HDHD2: variants seen among roughly 807,000 people sequenced by gnomAD.
HDHD2 encodes the protein haloacid dehalogenase like hydrolase domain containing 2.
A neutral mutation model predicts 24.8 loss-of-function variants in HDHD2; 26 were observed. That is an observed-to-expected ratio of 1.05 (90% CI 0.77 to 1.45). The LOEUF (loss-of-function observed/expected upper bound fraction) is 1.45. Ranked by LOEUF, HDHD2 falls within the 40% of genes most tolerant of loss-of-function variation. The pLI is 0.00. For synonymous variants in HDHD2, 128 were observed against 114.9 expected (o/e 1.11, Z -0.73); for missense variants, 299 against 313.4 (o/e 0.95, Z 0.35).
intron 4 of HDHD2, among the ~76,000 whole-genome samples, chr18:47,124,603 G>C (rs1337564478): frequency 6.6e-6 from 1 of 151,264 alleles, no homozygotes; most frequent in Non-Finnish European, 1.5e-5. Context: ...CTACTCGGGA[G>C]GCTGAGACAG....
chr18:47,134,116 T>C (rs1432285856), intron 3 of HDHD2, among the ~76,000 whole-genome samples: 1 of 152,214 alleles, frequency 6.6e-6, no homozygotes, highest in Non-Finnish European at 1.5e-5. Context: ...TTATGATCTG[T>C]GTTTTTTCAA....
At chr18:47,113,124 G>C (rs1388205367) in intron 5 of HDHD2, 84 bp from the exon 6 acceptor site, 1 of 1,110,292 alleles carries the variant, frequency 9.0e-7, no homozygotes, top group East Asian at 2.4e-5. Context: ...ATTAGGCTAG[G>C]GTGTCCAACT....
intron 4 of HDHD2, among the ~76,000 whole-genome samples, chr18:47,127,432 C>T (rs898910992): frequency 3.9e-5 from 6 of 152,134 alleles, no homozygotes; most frequent in Admixed American, 6.6e-5. Context: ...TAGGTGGCAG[C>T]GTTACAGGTA....
chr18:47,143,111 GA>G (rs1379743241), intron 1 of HDHD2, among the ~76,000 whole-genome samples: 5 of 152,064 alleles, frequency 3.3e-5, no homozygotes, highest in African/African-American at 1.2e-4. Flanking sequence ...AAAATTTAAT[GA>G]AAAAATTTAG....
chr18:47,131,462 T>C (rs543810383), intron 3 of HDHD2, among the ~76,000 whole-genome samples: 92 of 152,346 alleles, frequency 6.0e-4, no homozygotes, highest in African/African-American at 2.1e-3. Flanking sequence ...ATACCATGCC[T>C]GTCCAGATCT....
intron 4 of HDHD2, among the ~76,000 whole-genome samples, chr18:47,125,187 C>T (rs183027167): frequency 1.8e-4 from 28 of 151,778 alleles, no homozygotes; most frequent in African/African-American, 6.5e-4. Flanking sequence ...CAAAAAAAAA[C>T]CAAATAGGAA....
At chr18:47,132,384 C>A (rs1187281632) in intron 3 of HDHD2, among the ~76,000 whole-genome samples, 1 of 152,126 alleles carries the variant, frequency 6.6e-6, no homozygotes, top group East Asian at 1.9e-4. Flanking sequence ...TTCGTTATTA[C>A]AAATAAGGTA....
At chr18:47,136,680 A>G (rs919516420) in intron 1 of HDHD2, among the ~76,000 whole-genome samples, 17 of 151,932 alleles carry the variant, frequency 1.1e-4, no homozygotes, top group African/African-American at 4.1e-4. Flanking sequence ...AATTAAAACT[A>G]TAGGAAGCAA....
intron 1 of HDHD2, among the ~76,000 whole-genome samples, chr18:47,142,930 G>A (rs893306004): frequency 2.0e-4 from 30 of 152,018 alleles, no homozygotes; most frequent in East Asian, 1.2e-3. Flanking sequence ...GGTTCAATGC[G>A]CCTGACAAAC....
intron 4 of HDHD2, among the ~76,000 whole-genome samples, chr18:47,125,299 C>A (rs980245810): frequency 6.6e-6 from 1 of 152,214 alleles, no homozygotes; most frequent in Non-Finnish European, 1.5e-5. Flanking sequence ...GAATGTATGT[C>A]TTGGTACAAT....
chr18:47,144,101 G>A (rs1177619672), intron 1 of HDHD2, among the ~76,000 whole-genome samples: 1 of 152,004 alleles, frequency 6.6e-6, no homozygotes, highest in Non-Finnish European at 1.5e-5. Context: ...ATGCGCATGT[G>A]TGTAAGCCAC....
chr18:47,122,544 G>A (rs568593575), intron 4 of HDHD2, among the ~76,000 whole-genome samples: 6 of 152,226 alleles, frequency 3.9e-5, no homozygotes, highest in Non-Finnish European at 8.8e-5. Flanking sequence ...CTAAAGTAAT[G>A]CCAAAGTGTT....
chr18:47,122,140 T>A (rs1423480503), intron 4 of HDHD2, among the ~76,000 whole-genome samples: 1 of 152,174 alleles, frequency 6.6e-6, no homozygotes, highest in Admixed American at 6.5e-5. Flanking sequence ...GCCTGGTACC[T>A]TTTGCTAAAT....
At chr18:47,132,224 T>G (rs907961841) in intron 3 of HDHD2, among the ~76,000 whole-genome samples, 7 of 152,224 alleles carry the variant, frequency 4.6e-5, no homozygotes, top group Admixed American at 4.6e-4. Context: ...ACTTTTTTCA[T>G]TTAATATATC....
chr18:47,117,976 C>G (rs1002367253), intron 4 of HDHD2, among the ~76,000 whole-genome samples: 3 of 151,518 alleles, frequency 2.0e-5, no homozygotes, highest in African/African-American at 7.3e-5. Flanking sequence ...TGCAATAAAG[C>G]AAGTCACATA....
intron 1 of HDHD2, among the ~76,000 whole-genome samples, chr18:47,149,402 T>G (rs1280280077): frequency 6.6e-6 from 1 of 152,140 alleles, no homozygotes; most frequent in African/African-American, 2.4e-5. Context: ...GGAACCACTG[T>G]AGGCATTCAA....
At chr18:47,124,388 C>G (rs1231604995) in intron 4 of HDHD2, among the ~76,000 whole-genome samples, 1 of 152,052 alleles carries the variant, frequency 6.6e-6, no homozygotes, top group African/African-American at 2.4e-5. Context: ...TATATTCAAC[C>G]AAAGTCTTGT....
chr18:47,139,331 T>C (rs2063797988), intron 1 of HDHD2, among the ~76,000 whole-genome samples: 1 of 150,570 alleles, frequency 6.6e-6, no homozygotes, highest in Non-Finnish European at 1.5e-5. Context: ...CTGGGCGTGG[T>C]GGCGGCGCGT....
chr18:47,112,090 G>A (rs937804206), intron 6 of HDHD2, among the ~76,000 whole-genome samples: 7 of 152,168 alleles, frequency 4.6e-5, no homozygotes, highest in African/African-American at 1.4e-4. Flanking sequence ...GCCATTTGGG[G>A]GCAGCATGCA....
Sources: gnomAD v4.1 joint callset for allele counts (sites outside exome capture counted in the v4.1 genomes callset) on GRCh38, gnomAD v4.1.1 for gene constraint, MANE v1.5 for transcripts, NCBI Gene and HGNC (gene_info 2026-07-23, HGNC 2026-07-21) for gene names.